VTCN1: variants seen among roughly 807,000 people sequenced by gnomAD.
VTCN1 encodes the protein V-set domain containing T cell activation inhibitor 1.
Under a neutral mutation model 26.5 loss-of-function variants are expected in VTCN1, and 26 were observed. The observed-to-expected ratio is 0.98, with a 90% CI of 0.72 to 1.36. The LOEUF (loss-of-function observed/expected upper bound fraction) is 1.36. Ranked by LOEUF, VTCN1 falls within the 40% of genes most tolerant of loss-of-function variation. The probability of loss-of-function intolerance (pLI) is 0.00; values close to 1 mark genes in which losing one functional copy is unlikely to be tolerated. For missense variants in VTCN1, 298 were observed against 337.7 expected, an observed-to-expected ratio of 0.88 and a Z score of 0.92; for synonymous variants, 116 against 130.7, an observed-to-expected ratio of 0.89 and a Z score of 0.77.
chr1:117,196,190 G>A (rs912401278), intron 1 of VTCN1, among the ~76,000 whole-genome samples: 7 of 152,020 alleles, frequency 4.6e-5, no homozygotes, highest in Non-Finnish European at 8.8e-5. Flanking sequence ...AATAATTTTG[G>A]CAAATAATTG....
At chr1:117,172,813 AAAAATGCACCAATCAGCACTCTGTAT>A (rs1421755543) in intron 1 of VTCN1, among the ~76,000 whole-genome samples, 2 of 33,222 alleles carry the variant, frequency 6.0e-5, no homozygotes, top group African/African-American at 1.2e-4. Context: ...AGCACTCTGT[AAAAATGCACCAATCAGCACTCTGTAT>A]TTAGCTAAAG....
In VTCN1 at chr1:117,147,541, G is replaced by C; in HGVS notation, c.*45+72C>G. 3.1e-6 allele frequency: 4 copies of C among 1,282,372 alleles called. No homozygotes were observed. The highest frequency in any genetic ancestry group is 4.3e-6 in the Non-Finnish European group (4 of 939,950). 79.4% of individuals were successfully genotyped at this position (1,282,372 alleles called of 1,614,324 possible). On this transcript the variant is annotated intron_variant, in intron 5 of 5. Transcript: ENST00000369458. The surrounding 1 kb of genome is among the most constrained non-coding windows in gnomAD (Gnocchi z 4.6). ...TTTCTTTCTGTGGCTGATGCTGAAGGCTATCCGACTCTCATTAGGAGCACA... is the reference window on the plus strand; with the variant it reads ...TTTCTTTCTGTGGCTGATGCTGAAGCCTATCCGACTCTCATTAGGAGCACA...
At position 117,147,615 on chromosome 1, in the gene VTCN1, G is replaced by GT; in HGVS notation, c.*42dup. On this transcript the variant is annotated 3_prime_UTR_variant, in exon 5 of 6. Coordinates refer to ENST00000369458, the MANE Select transcript of VTCN1 (RefSeq NM_024626.4). This position sits in a 1 kb window ranked among gnomAD's most constrained non-coding sequence, Gnocchi z 4.6. ...ACACTATTTGTGATTAATCTCACCTGTTGTAACAATGACTTTGCATGCTTT... is the reference window on the plus strand; with the variant it reads ...ACACTATTTGTGATTAATCTCACCTGTTTGTAACAATGACTTTGCATGCTTT... 1 of 1,608,636 alleles carries GT rather than the reference G, an allele frequency of 6.2e-7. No individual in the cohort carries two copies. Among genetic ancestry groups the GT allele is most frequent in the Non-Finnish European group, 8.5e-7 (1 of 1,178,014 alleles).
Position 117,155,306 on chromosome 1 carries a change from C to T in VTCN1, c.445+1268G>A, listed in dbSNP as rs868163312. On this transcript the variant is annotated intron_variant, in intron 3 of 5. Coordinates refer to ENST00000369458, the MANE Select transcript of VTCN1 (RefSeq NM_024626.4). This position sits in a 1 kb window ranked among gnomAD's most constrained non-coding sequence, Gnocchi z 4.8. ...ATCACCTGGCTAAAGCAGTGTTTGC[C>T]GGATTTCTTTGGAAGCTGGACTTCA... Among the ~76,000 whole-genome samples, 2 of 152,134 alleles carry T rather than the reference C, an allele frequency of 1.3e-5. No individual in the cohort carries two copies. Among genetic ancestry groups the T allele is most frequent in the South Asian group, 4.2e-4 (2 of 4,816 alleles).
intron 2 of VTCN1, among the ~76,000 whole-genome samples, chr1:117,164,085 G>A (rs570545947): frequency 2.5e-4 from 38 of 152,204 alleles, no homozygotes; most frequent in African/African-American, 7.5e-4. Flanking sequence ...GTGCCCAGCT[G>A]AGGAGCAGAT....
intron 1 of VTCN1, among the ~76,000 whole-genome samples, chr1:117,209,628 C>T (rs1649262857): frequency 6.6e-6 from 1 of 152,192 alleles, no homozygotes; most frequent in Non-Finnish European, 1.5e-5. Flanking sequence ...GGGACATCCT[C>T]TCAGGGCAGA....
At chr1:117,205,809 C>A (rs1649027422) in intron 1 of VTCN1, among the ~76,000 whole-genome samples, 4 of 152,208 alleles carry the variant, frequency 2.6e-5, no homozygotes, top group African/African-American at 9.7e-5. Context: ...ACATTTGCAT[C>A]TGTGAAATGG....
intron 2 of VTCN1, among the ~76,000 whole-genome samples, chr1:117,166,515 A>T (rs977749307): frequency 6.7e-6 from 1 of 150,298 alleles, no homozygotes; most frequent in African/African-American, 2.4e-5. Context: ...AGCACTTTGG[A>T]AGGCCGAGGC....
intron 1 of VTCN1, among the ~76,000 whole-genome samples, chr1:117,184,548 A>G (rs1174968636): frequency 6.6e-6 from 1 of 152,154 alleles, no homozygotes; most frequent in Admixed American, 6.5e-5. Flanking sequence ...TTTGAATTCT[A>G]TGCTGGCTGG....
chr1:117,153,516 A>G, intron 3 of VTCN1, 147 bp from the exon 4 acceptor site: 2 of 835,546 alleles, frequency 2.4e-6, no homozygotes, highest in East Asian at 5.4e-5. Flanking sequence ...TCAGAGGTCC[A>G]CCTGTGTATA....
Position 117,183,456 on chromosome 1 carries a change from C to A in VTCN1, c.33-13285G>T, listed in dbSNP as rs1182600067. On this transcript the variant is annotated intron_variant, in intron 1 of 5. Coordinates refer to ENST00000369458, the MANE Select transcript of VTCN1 (RefSeq NM_024626.4). This position sits in a 1 kb window ranked among gnomAD's most constrained non-coding sequence, Gnocchi z 4.1. The stretch of plus-strand genomic sequence containing the variant: ...ATTTATGGGAGAAATGATCATTTAT[C>A]TTTCTCTTTAAACAGTCTTTTAAAA... Among the ~76,000 whole-genome samples, 1 of 152,196 alleles carries A rather than the reference C, an allele frequency of 6.6e-6. No individual in the cohort carries two copies. Among genetic ancestry groups the A allele is most frequent in the Non-Finnish European group, 1.5e-5 (1 of 68,028 alleles).
intron 1 of VTCN1, among the ~76,000 whole-genome samples, chr1:117,185,440 G>A (rs1647886893): frequency 6.6e-6 from 1 of 152,162 alleles, no homozygotes; most frequent in Admixed American, 6.5e-5. Flanking sequence ...TGCCAAAGTG[G>A]CATTTGTAAA....
chr1:117,153,406 G>C, intron 3 of VTCN1, 37 bp from the exon 4 acceptor site: 1 of 1,573,174 alleles, frequency 6.4e-7, no homozygotes, highest in Admixed American at 1.8e-5. Flanking sequence ...AGATGCCAAA[G>C]TCAGACACGT....
At chr1:117,168,715 C>A (rs1652741781) in intron 2 of VTCN1, among the ~76,000 whole-genome samples, 1 of 151,952 alleles carries the variant, frequency 6.6e-6, no homozygotes, top group South Asian at 2.1e-4. Flanking sequence ...GACAAATACC[C>A]CAATAGAAAA....
In VTCN1 at chr1:117,167,021, A is replaced by T. The variant is rs1363210292; in HGVS notation, c.97+3086T>A. ...GGCAGAAGAATAACCTGAAGCTGGG[A>T]GGCAGAGGCTGCAGTGAGCCGAGAT... On this transcript the variant is annotated intron_variant, in intron 2 of 5. Coordinates refer to ENST00000369458, the MANE Select transcript of VTCN1 (RefSeq NM_024626.4). The surrounding 1 kb of genome is among the most constrained non-coding windows in gnomAD (Gnocchi z 4.1). Among the ~76,000 whole-genome samples the T allele has an allele frequency of 6.6e-6, 1 of 151,528 alleles. No individual in the cohort carries two copies. Among genetic ancestry groups the T allele is most frequent in the African/African-American group, 2.4e-5 (1 of 41,082 alleles).
chr1:117,153,386 C>T lies in VTCN1; in HGVS notation c.446-17G>A. The T allele has an allele frequency of 6.3e-7, 1 of 1,588,584 alleles. No homozygotes were observed. Among genetic ancestry groups the T allele is most frequent in the Non-Finnish European group, 8.6e-7 (1 of 1,163,100 alleles). ...TGCTGAAGGCTGCAGGGTCAAAAGT[C>T]AGAAAGGGCAGATGCCAAAGTCAGA... is the stretch of plus-strand genomic sequence containing the variant. On this transcript the variant is annotated splice_polypyrimidine_tract_variant and intron_variant, in intron 3 of 5. Transcript: ENST00000369458.
chr1:117,170,291 T>G (rs1652837781), intron 1 of VTCN1, 120 bp from the exon 2 acceptor site: 2 of 957,208 alleles, frequency 2.1e-6, no homozygotes, highest in South Asian at 2.6e-5. Flanking sequence ...CTCAACTTTT[T>G]CTTCCACATA....
intron 1 of VTCN1, among the ~76,000 whole-genome samples, chr1:117,171,724 TAGG>T (rs1652926537): frequency 6.6e-6 from 1 of 152,192 alleles, no homozygotes; most frequent in African/African-American, 2.4e-5. Flanking sequence ...TTAGTAACCT[TAGG>T]AGGAGAACAA....
At chr1:117,173,943 AG>A (rs1271693839) in intron 1 of VTCN1, among the ~76,000 whole-genome samples, 2 of 152,224 alleles carry the variant, frequency 1.3e-5, no homozygotes, top group Non-Finnish European at 1.5e-5. Context: ...ATTCCCTATC[AG>A]GGCAGGAATC....
Sources: gnomAD v4.1 joint callset for allele counts (sites outside exome capture counted in the v4.1 genomes callset) on GRCh38, gnomAD v4.1.1 for gene constraint, Gnocchi (gnomAD v3.1) non-coding constraint, MANE v1.5 for transcripts, NCBI Gene and HGNC (gene_info 2026-07-23, HGNC 2026-07-21) for gene names.